Variants in SPINK9 observed in about 807,000 individuals in gnomAD.
SPINK9 encodes serine protease inhibitor Kazal-type 9.
SPINK9 carries 3 observed loss-of-function variants against 10.8 expected under a neutral mutation model. That is an observed-to-expected ratio of 0.28 (90% CI 0.13 to 0.72). The LOEUF (loss-of-function observed/expected upper bound fraction) is 0.72, where lower values mean the gene tolerates loss of function less well. Among genes scored for constraint, SPINK9 ranks in the 30% least tolerant of loss-of-function variants. The pLI, the probability that SPINK9 is intolerant of heterozygous loss-of-function variation, is 0.74. For synonymous variants in SPINK9, 30 were observed against 31.2 expected (o/e 0.96, Z 0.12); for missense variants, 101 against 103.2 (o/e 0.98, Z 0.09).
At chr5:148,339,561 G>A in intron 3 of SPINK9, 106 bp from the exon 4 acceptor site, 1 of 933,174 alleles carries the variant, frequency 1.1e-6, no homozygotes, top group Non-Finnish European at 1.7e-6. Context: ...ACATCAATAA[G>A]CGGGGAAACT....
At chr5:148,331,354 G>A (rs1757147237), upstream of SPINK9, among the ~76,000 whole-genome samples, 1 of 152,212 alleles carries the variant, frequency 6.6e-6, no homozygotes. Context: ...TATGCTAGGT[G>A]CAATAAACCA....
At position 148,338,346 on chromosome 5, in the gene SPINK9, G is replaced by T. The variant is rs527903642; in HGVS notation, c.88-132G>T. On this transcript the variant is annotated intron_variant, in intron 2 of 3. Transcript: ENST00000377906. ...TCTTTACATTTGAAATGTCTTGAAG[G>T]GGGTAGATGAGAACCAACAATTGTA... 7.8e-6 allele frequency: 5 copies of T among 642,446 alleles called. No individual in the cohort carries two copies. The South Asian group carries it at 8.6e-5, about 11-fold the overall frequency. The allele number at this position is 642,446 out of a possible 1,614,324, so 39.8% of individuals were successfully genotyped here.
intron 1 of SPINK9, among the ~76,000 whole-genome samples, chr5:148,335,978 A>C (rs895681796): frequency 6.6e-6 from 1 of 152,164 alleles, no homozygotes; most frequent in Admixed American, 6.5e-5. Context: ...TTCATAAAAC[A>C]TTACAATCAA....
chr5:148,335,806 C>T (rs144214797), intron 1 of SPINK9, 138 bp downstream of exon 1: 41 of 959,958 alleles, frequency 4.3e-5, no homozygotes, highest in Non-Finnish European at 6.4e-5. Flanking sequence ...TTTGCCTCAA[C>T]CAACGAATTG....
chr5:148,328,082 T>C (rs567768419), intron 2 of SPINK9, among the ~76,000 whole-genome samples: 1 of 152,274 alleles, frequency 6.6e-6, no homozygotes, highest in South Asian at 2.1e-4. Flanking sequence ...ATTGAATCTA[T>C]AAATTACCTT....
chr5:148,323,961 G>A, intron 2 of SPINK9: 1 of 560,316 alleles, frequency 1.8e-6, no homozygotes, highest in Non-Finnish European at 3.2e-6. Flanking sequence ...AATTAGACAT[G>A]TATATTGTGG....
At chr5:148,338,861 A>G (rs1757252234) in intron 3 of SPINK9, among the ~76,000 whole-genome samples, 1 of 152,150 alleles carries the variant, frequency 6.6e-6, no homozygotes, top group Admixed American at 6.6e-5. Context: ...TTCAACTTCC[A>G]CTTGATAATC....
chr5:148,323,041 C>A (rs1418193515), intron 1 of SPINK9, among the ~76,000 whole-genome samples: 2 of 151,874 alleles, frequency 1.3e-5, no homozygotes, highest in Admixed American at 1.3e-4. Context: ...CGCCTATAAG[C>A]AAAATATAGA....
At chr5:148,326,291 G>A (rs1329877934) in intron 2 of SPINK9, among the ~76,000 whole-genome samples, 1 of 152,152 alleles carries the variant, frequency 6.6e-6, no homozygotes, top group African/African-American at 2.4e-5. Context: ...TACACTGTTG[G>A]TGGGATTGTG....
intron 2 of SPINK9, among the ~76,000 whole-genome samples, chr5:148,325,874 C>T (rs991226698): frequency 6.6e-6 from 1 of 152,074 alleles, no homozygotes; most frequent in African/African-American, 2.4e-5. Flanking sequence ...TTACATGTAA[C>T]TCTCTGATCC....
intron 2 of SPINK9, among the ~76,000 whole-genome samples, chr5:148,326,417 GTAGTCAACGAGATGTCTGCAT>G (rs1266242368): frequency 6.6e-6 from 1 of 152,078 alleles, no homozygotes; most frequent in African/African-American, 2.4e-5. Context: ...ACTGAAACTG[GTAGTCAACGAGATGTCTGCAT>G]TTCCATGTTC....
intron 3 of SPINK9, among the ~76,000 whole-genome samples, chr5:148,339,410 ATG>A (rs1757260484): frequency 1.3e-5 from 2 of 152,066 alleles, no homozygotes; most frequent in Admixed American, 6.6e-5. Flanking sequence ...AGACTTCTAA[ATG>A]TGTGTTTCCC....
At chr5:148,335,558 C>A (rs1039069690), upstream of SPINK9, 2 of 1,501,106 alleles carry the variant, frequency 1.3e-6, no homozygotes, top group Non-Finnish European at 1.8e-6. Context: ...GTGAGCTGGA[C>A]GGACACCAGG....
chr5:148,331,512 G>A (rs1757149863), upstream of SPINK9, among the ~76,000 whole-genome samples: 1 of 152,082 alleles, frequency 6.6e-6, no homozygotes, highest in South Asian at 2.1e-4. Context: ...CTGGCCAAAG[G>A]GTGCAAAGTT....
chr5:148,323,149 G>A (rs919796100), intron 1 of SPINK9, among the ~76,000 whole-genome samples: 1 of 152,098 alleles, frequency 6.6e-6, no homozygotes, highest in Non-Finnish European at 1.5e-5. Flanking sequence ...CAAAAATGCT[G>A]ATTGAGGGAA....
chr5:148,336,848 T>A (rs1293321899), intron 2 of SPINK9, among the ~76,000 whole-genome samples: 1 of 152,228 alleles, frequency 6.6e-6, no homozygotes, highest in Non-Finnish European at 1.5e-5. Context: ...CTTTGTTCTC[T>A]GTCTTAGAAA....
chr5:148,332,113 A>G (rs1238217097), upstream of SPINK9, among the ~76,000 whole-genome samples: 1 of 152,234 alleles, frequency 6.6e-6, no homozygotes, highest in Non-Finnish European at 1.5e-5. Flanking sequence ...TGCAATAGAA[A>G]ATTCAAAAGA....
At chr5:148,322,752 C>T (rs1342464951) in intron 1 of SPINK9, among the ~76,000 whole-genome samples, 1 of 152,158 alleles carries the variant, frequency 6.6e-6, no homozygotes, top group African/African-American at 2.4e-5. Context: ...AACGTTTGTT[C>T]TGCAGACTTA....
upstream of SPINK9, among the ~76,000 whole-genome samples, chr5:148,335,228 T>C (rs1449584023): frequency 6.6e-6 from 1 of 152,186 alleles, no homozygotes; most frequent in Non-Finnish European, 1.5e-5. Context: ...ATGGTTTAAT[T>C]AAGGAACAAT....
Sources: allele counts gnomAD v4.1 joint callset (sites outside exome capture counted in the v4.1 genomes callset), GRCh38; gene constraint gnomAD v4.1.1; transcripts MANE v1.5; gene names NCBI Gene and HGNC (gene_info 2026-07-23, HGNC 2026-07-21).